The following AGK variants were observed in gnomAD, a reference collection of about 807,000 sequenced individuals.
The protein encoded by AGK is acylglycerol kinase, mitochondrial.
AGK carries 52 observed loss-of-function variants against 66.4 expected under a neutral mutation model. The observed-to-expected ratio is 0.78, with a 90% CI of 0.63 to 0.99. The LOEUF (loss-of-function observed/expected upper bound fraction) is 0.99, where lower values mean the gene tolerates loss of function less well. Among genes scored for constraint, AGK ranks in the 50% least tolerant of loss-of-function variants. The pLI is 0.00. For synonymous variants in AGK, 182 were observed against 181.1 expected (o/e 1.00, Z -0.04); for missense variants, 451 against 506.6 (o/e 0.89, Z 1.05).
At chr7:141,650,509 T>C (rs948249109) in intron 14 of AGK, 1 of 985,352 alleles carries the variant, frequency 1.0e-6, no homozygotes. Flanking sequence ...CCTCTGGATA[T>C]CTGAAGAGAA....
Position 141,614,191 on chromosome 7 carries a change from G to C in AGK, c.423+13G>C, listed in dbSNP as rs181989817. On this transcript the variant is annotated intron_variant, in intron 7 of 15. Coordinates refer to ENST00000649286, the MANE Select transcript of AGK (RefSeq NM_018238.4). ...ACGAACAGATGAGGTGAGCATTAAA[G>C]AGTAATTGCATTTTAACTTTTATTT... is the stretch of plus-strand genomic sequence containing the variant. 6.7e-7 allele frequency: 1 copy of C among 1,497,178 alleles called. No homozygotes were observed. The highest frequency in any genetic ancestry group is 9.0e-7 in the Non-Finnish European group (1 of 1,110,640). The allele number at this position is 1,497,178 out of a possible 1,614,324, so 92.7% of individuals were successfully genotyped here.
chr7:141,651,112 A>G (rs1404256739), intron 14 of AGK, among the ~76,000 whole-genome samples: 3 of 152,260 alleles, frequency 2.0e-5, no homozygotes, highest in Non-Finnish European at 2.9e-5. Context: ...AGAAATATCT[A>G]CATTAAAGTA....
intron 5 of AGK, among the ~76,000 whole-genome samples, chr7:141,604,372 G>GTATATATA (rs1436838520): frequency 1.3e-3 from 73 of 58,388 alleles, no homozygotes; most frequent in Middle Eastern, 8.9e-3. Context: ...GTGTGTGTGT[G>GTATATATA]TGTATATATA....
intron 2 of AGK, among the ~76,000 whole-genome samples, chr7:141,564,097 A>G (rs1795411081): frequency 6.6e-6 from 1 of 152,302 alleles, no homozygotes; most frequent in East Asian, 1.9e-4. Context: ...AGAAGCTGAG[A>G]CTATATGTGC....
At chr7:141,642,005 C>T in intron 13 of AGK, 97 bp downstream of exon 13, 8 of 1,105,394 alleles carry the variant, frequency 7.2e-6, no homozygotes, top group Non-Finnish European at 1.1e-5. Context: ...TTATTTTTAC[C>T]CTGTGGAGAT....
intron 2 of AGK, among the ~76,000 whole-genome samples, chr7:141,563,161 G>A (rs1289114454): frequency 3.3e-5 from 5 of 152,142 alleles, no homozygotes; most frequent in Admixed American, 2.6e-4. Flanking sequence ...GTACATTCCT[G>A]TGGTGGTTCT....
chr7:141,644,919 TTTC>T (rs2117019837), intron 13 of AGK, among the ~76,000 whole-genome samples: 1 of 152,224 alleles, frequency 6.6e-6, no homozygotes, highest in South Asian at 2.1e-4. Flanking sequence ...TTCTAGTCTC[TTTC>T]TTCTATTGTT....
At chr7:141,619,050 G>C (rs1468332093) in intron 8 of AGK, among the ~76,000 whole-genome samples, 1 of 152,042 alleles carries the variant, frequency 6.6e-6, no homozygotes, top group Non-Finnish European at 1.5e-5. Flanking sequence ...GAGAAATCAA[G>C]AAGACCTAAG....
rs931040620 is a variant in AGK, at chr7:141,654,862, C to G, written c.*1938C>G. 1 of 152,150 alleles carries G rather than the reference C, an allele frequency of 6.6e-6. No individual in the cohort carries two copies. Among genetic ancestry groups the G allele is most frequent in the African/African-American group, 2.4e-5 (1 of 41,432 alleles). The allele number at this position is 152,150 out of a possible 1,614,324, so 9.4% of individuals were successfully genotyped here. A position where few individuals can be genotyped will look rare whatever the true frequency, so the allele number is the denominator to read the frequency against. On this transcript the variant is annotated 3_prime_UTR_variant, in exon 16 of 16. Transcript: ENST00000649286. ...CTATGAAAAGTCCATGAATGAAGAT[C>G]ACAAAAAGGAAGGCTTTCTTATTTC...
chr7:141,622,678 T>C (rs1348897122), intron 9 of AGK, among the ~76,000 whole-genome samples: 4 of 152,204 alleles, frequency 2.6e-5, no homozygotes, highest in Non-Finnish European at 5.9e-5. Context: ...CACAACAGTA[T>C]TGAAATTAGA....
chr7:141,588,893 C>T (rs991068896), intron 2 of AGK, among the ~76,000 whole-genome samples: 1 of 152,108 alleles, frequency 6.6e-6, no homozygotes, highest in Non-Finnish European at 1.5e-5. Context: ...CTAATGTATT[C>T]TAATTAACAT....
At chr7:141,645,648 T>C (rs147087468) in intron 13 of AGK, among the ~76,000 whole-genome samples, 1 of 152,342 alleles carries the variant, frequency 6.6e-6, no homozygotes, top group Non-Finnish European at 1.5e-5. Flanking sequence ...TGCTTCATGC[T>C]TGTATTTAAT....
chr7:141,580,506 C>T (rs114405208), intron 2 of AGK, among the ~76,000 whole-genome samples: 2,697 of 151,868 alleles, frequency 0.018, 106 homozygotes, highest in African/African-American at 0.062. Context: ...GAATGAAGTC[C>T]GGACCGGGAA....
At chr7:141,580,450 C>G (rs571447668) in intron 2 of AGK, among the ~76,000 whole-genome samples, 2 of 151,996 alleles carry the variant, frequency 1.3e-5, no homozygotes, top group African/African-American at 4.8e-5. Flanking sequence ...CAGAGAGATA[C>G]AGTCATGGGG....
rs1042005363 is a variant in AGK at position 141,580,272 on chromosome 7, C to A, written c.102-12874C>A. 2.0e-5 allele frequency among the ~76,000 whole-genome samples: 3 copies of A among 151,736 alleles called. No homozygotes were observed. The East Asian group carries it at 5.8e-4, about 29-fold the overall frequency. On this transcript the variant is annotated intron_variant, in intron 2 of 15. Coordinates refer to ENST00000649286, the MANE Select transcript of AGK (RefSeq NM_018238.4). The stretch of plus-strand genomic sequence containing the variant: ...TTGCTGAGAGGTAGTGGAGTGGGGG[C>A]AGAGTGGTAGCTTCAATGATAGATG...
intron 5 of AGK, among the ~76,000 whole-genome samples, chr7:141,604,629 G>A (rs973348609): frequency 1.6e-4 from 23 of 146,262 alleles, no homozygotes; most frequent in African/African-American, 5.9e-4. Flanking sequence ...CTGTCACCAG[G>A]CTGGAGTGCA....
chr7:141,650,054 T>C (rs73518077), intron 14 of AGK, among the ~76,000 whole-genome samples: 5 of 152,368 alleles, frequency 3.3e-5, no homozygotes, highest in African/African-American at 1.2e-4. Context: ...ACTGGTAATC[T>C]GCTCAGCTCC....
intron 9 of AGK, among the ~76,000 whole-genome samples, chr7:141,627,163 G>A (rs902963577): frequency 6.6e-6 from 1 of 152,110 alleles, no homozygotes; most frequent in African/African-American, 2.4e-5. Context: ...GGGTAAGAAG[G>A]TCCAGTAGCT....
intron 2 of AGK, among the ~76,000 whole-genome samples, chr7:141,583,547 G>A (rs1795929247): frequency 6.6e-6 from 1 of 151,538 alleles, no homozygotes; most frequent in Non-Finnish European, 1.5e-5. Context: ...GACATGGAGA[G>A]AAGGGGTGGG....
Sources: gnomAD v4.1 joint callset for allele counts (sites outside exome capture counted in the v4.1 genomes callset) on GRCh38, gnomAD v4.1.1 for gene constraint, MANE v1.5 for transcripts, NCBI Gene and HGNC (gene_info 2026-07-23, HGNC 2026-07-21) for gene names.